Variants in PLD5 observed in about 807,000 individuals in gnomAD.
PLD5 encodes phospholipase D family member 5.
A neutral mutation model predicts 61.1 loss-of-function variants in PLD5; 36 were observed. That is an observed-to-expected ratio of 0.59 (90% CI 0.45 to 0.78). PLD5 has a LOEUF of 0.78. Ranked by LOEUF, PLD5 falls within the 30% of genes least tolerant of loss-of-function variation. The probability of loss-of-function intolerance (pLI) is 0.00; values close to 1 mark genes in which losing one functional copy is unlikely to be tolerated. For synonymous variants in PLD5, 243 were observed against 242.8 expected (o/e 1.00, Z -0.01); for missense variants, 515 against 644.4 (o/e 0.80, Z 2.17).
intron 1 of PLD5, among the ~76,000 whole-genome samples, chr1:242,413,963 C>T (rs577640024): frequency 6.6e-6 from 1 of 152,244 alleles, no homozygotes; most frequent in South Asian, 2.1e-4. Flanking sequence ...GGATTAAACA[C>T]AAGACAGGTC....
At chr1:242,405,827 C>T (rs930497166) in intron 1 of PLD5, among the ~76,000 whole-genome samples, 1 of 152,060 alleles carries the variant, frequency 6.6e-6, no homozygotes, top group East Asian at 1.9e-4. Context: ...GGCTCAAACT[C>T]CTGACCTCAG....
chr1:242,324,401 T>C (rs902095617), intron 2 of PLD5, among the ~76,000 whole-genome samples: 2 of 152,242 alleles, frequency 1.3e-5, no homozygotes, highest in African/African-American at 4.8e-5. Flanking sequence ...GTAAAGTGCA[T>C]ACTTTGCGTG....
intron 5 of PLD5, among the ~76,000 whole-genome samples, chr1:242,161,568 C>A (rs1665832804): frequency 6.6e-6 from 1 of 152,034 alleles, no homozygotes; most frequent in Non-Finnish European, 1.5e-5. Context: ...GGAAAATATT[C>A]ATTGTGAATA....
chr1:242,100,006 T>G (rs1217629459), intron 9 of PLD5, among the ~76,000 whole-genome samples: 1 of 152,186 alleles, frequency 6.6e-6, no homozygotes, highest in Non-Finnish European at 1.5e-5. Context: ...TACACCAGTG[T>G]AGAATGATTC....
chr1:242,225,091 C>T lies in PLD5; in HGVS notation c.608-4976G>A, dbSNP rs904014255. Among the ~76,000 whole-genome samples the T allele has an allele frequency of 3.9e-5, 6 of 152,226 alleles. No homozygotes were observed. In the South Asian group the frequency reaches 1.0e-3, roughly 26 times the overall value. On this transcript the variant is annotated intron_variant, in intron 4 of 9. Transcript: ENST00000536534. Reference sequence around the variant, plus strand: ...GAGTATGCAGCCCTCTGAATCCTGCCTCTCACTTAGCATAATGCACGTGAG... The same window carrying T: ...GAGTATGCAGCCCTCTGAATCCTGCTTCTCACTTAGCATAATGCACGTGAG...
At chr1:242,224,384 T>C (rs116109651) in intron 4 of PLD5, among the ~76,000 whole-genome samples, 5,156 of 152,238 alleles carry the variant, frequency 0.034, 276 homozygotes, top group African/African-American at 0.12. Context: ...TTTAAAAATA[T>C]ATAGAATGCC....
At chr1:242,517,931 T>C (rs747035146) in intron 1 of PLD5, among the ~76,000 whole-genome samples, 11 of 152,242 alleles carry the variant, frequency 7.2e-5, no homozygotes, top group Admixed American at 2.0e-4. Flanking sequence ...CCTCTCAAAT[T>C]AACTCCTCAT....
At chr1:242,196,146 A>G (rs1364410282) in intron 5 of PLD5, among the ~76,000 whole-genome samples, 2 of 152,252 alleles carry the variant, frequency 1.3e-5, no homozygotes, top group African/African-American at 4.8e-5. Context: ...GATGCAAGTG[A>G]ATTAAAATGA....
chr1:242,178,813 T>G (rs1199979759), intron 5 of PLD5, among the ~76,000 whole-genome samples: 3 of 152,224 alleles, frequency 2.0e-5, no homozygotes, highest in African/African-American at 7.2e-5. Flanking sequence ...AGAAAGGACA[T>G]AAACATGTTA....
upstream of PLD5, among the ~76,000 whole-genome samples, chr1:242,525,136 A>C (rs2810010): frequency 6.6e-6 from 1 of 151,908 alleles, no homozygotes; most frequent in Non-Finnish European, 1.5e-5. Flanking sequence ...CTTAGAGCAG[A>C]GGGTGCCCAG....
intron 5 of PLD5, among the ~76,000 whole-genome samples, chr1:242,189,989 G>C (rs1019870180): frequency 6.6e-6 from 1 of 151,828 alleles, no homozygotes; most frequent in Non-Finnish European, 1.5e-5. Flanking sequence ...ATATTGTGAA[G>C]ATTCAATTGA....
At chr1:242,475,089 C>T (rs767180141) in intron 1 of PLD5, among the ~76,000 whole-genome samples, 4 of 152,174 alleles carry the variant, frequency 2.6e-5, no homozygotes, top group Admixed American at 6.5e-5. Flanking sequence ...TCTAAGCAAG[C>T]AGAGGCCAGC....
At position 242,512,220 on chromosome 1, in the gene PLD5, G is replaced by T. The variant is rs188520782; in HGVS notation, c.189+11868C>A. Among the ~76,000 whole-genome samples, 38 of 151,242 alleles carry T rather than the reference G, an allele frequency of 2.5e-4. No individual in the cohort carries two copies. The East Asian group carries it at 3.9e-3, about 16-fold the overall frequency. On this transcript the variant is annotated intron_variant, in intron 1 of 9. Transcript: ENST00000536534. ...AGGTCAGGAGATCGAGACCATCCTGGCTAACACGGTGAAACCTCGTCTCTA... is the reference window on the plus strand; with the variant it reads ...AGGTCAGGAGATCGAGACCATCCTGTCTAACACGGTGAAACCTCGTCTCTA...
intron 1 of PLD5, among the ~76,000 whole-genome samples, chr1:242,437,514 T>C (rs1666054421): frequency 6.6e-6 from 1 of 152,022 alleles, no homozygotes; most frequent in Non-Finnish European, 1.5e-5. Flanking sequence ...CTGGCCAACA[T>C]GGAAAAACCC....
At chr1:242,160,016 ATTTTT>A (rs764649649) in intron 5 of PLD5, among the ~76,000 whole-genome samples, 1 of 142,852 alleles carries the variant, frequency 7.0e-6, no homozygotes, top group Non-Finnish European at 1.5e-5. Context: ...TTTCCCTTTT[ATTTTT>A]TTTTGAGATA....
At chr1:242,209,004 T>A (rs989654426) in intron 5 of PLD5, 2 of 152,230 alleles carry the variant, frequency 1.3e-5, no homozygotes, top group African/African-American at 4.8e-5. Flanking sequence ...TAATAGTTCA[T>A]TTAAGAGGAT....
intron 2 of PLD5, among the ~76,000 whole-genome samples, chr1:242,340,836 G>C (rs1170709335): frequency 6.6e-6 from 1 of 152,150 alleles, no homozygotes; most frequent in African/African-American, 2.4e-5. Context: ...GAGAGGAAGA[G>C]GGAAGGAGGG....
At chr1:242,343,170 A>T (rs978109507) in intron 2 of PLD5, among the ~76,000 whole-genome samples, 2 of 152,006 alleles carry the variant, frequency 1.3e-5, no homozygotes, top group Admixed American at 6.6e-5. Context: ...CTGTGATGAG[A>T]TGCTGACAGA....
At chr1:242,387,408 C>T (rs1662658314) in intron 1 of PLD5, among the ~76,000 whole-genome samples, 1 of 151,976 alleles carries the variant, frequency 6.6e-6, no homozygotes, top group South Asian at 2.1e-4. Flanking sequence ...AAAAATATGC[C>T]AATGGAACAG....
Sources: gnomAD v4.1 joint callset for allele counts (sites outside exome capture counted in the v4.1 genomes callset) on GRCh38, gnomAD v4.1.1 for gene constraint, MANE v1.5 for transcripts, NCBI Gene and HGNC (gene_info 2026-07-23, HGNC 2026-07-21) for gene names.